The following NLGN1 variants were observed in gnomAD, a reference collection of about 807,000 sequenced individuals.
The protein encoded by NLGN1 is neuroligin-1.
Under a neutral mutation model 65.5 loss-of-function variants are expected in NLGN1, and 12 were observed. That is an observed-to-expected ratio of 0.18 (90% CI 0.12 to 0.30). The LOEUF (loss-of-function observed/expected upper bound fraction) is 0.30. Ranked by LOEUF, NLGN1 falls within the 10% of genes least tolerant of loss-of-function variation. The probability of loss-of-function intolerance (pLI) is 1.00; values close to 1 mark genes in which losing one functional copy is unlikely to be tolerated. For missense variants in NLGN1, 750 were observed against 1,007.1 expected (o/e 0.74, Z 3.46); for synonymous variants, 350 against 359.5 (o/e 0.97, Z 0.30).
chr3:173,627,184 T>C (rs976003828), intron 3 of NLGN1, among the ~76,000 whole-genome samples: 3 of 152,138 alleles, frequency 2.0e-5, no homozygotes, highest in Non-Finnish European at 4.4e-5. Flanking sequence ...GTACAATGTT[T>C]GTATCCTTTG....
chr3:174,205,925 G>A (rs932386292), intron 4 of NLGN1, among the ~76,000 whole-genome samples: 1 of 152,090 alleles, frequency 6.6e-6, no homozygotes, highest in Non-Finnish European at 1.5e-5. Flanking sequence ...TCAATTCAGT[G>A]CCCAGCAACC....
intron 4 of NLGN1, among the ~76,000 whole-genome samples, chr3:174,141,242 A>T (rs1300227063): frequency 6.6e-6 from 1 of 152,158 alleles, no homozygotes; most frequent in Non-Finnish European, 1.5e-5. Flanking sequence ...TCAGGCAGTT[A>T]ACAGGAATAG....
chr3:174,072,280 C>T (rs1740062381), intron 4 of NLGN1, among the ~76,000 whole-genome samples: 1 of 152,056 alleles, frequency 6.6e-6, no homozygotes, highest in Admixed American at 6.6e-5. Flanking sequence ...CAAGAACTCC[C>T]CATCCTAAGG....
At chr3:173,533,358 A>G (rs1354353851) in intron 2 of NLGN1, among the ~76,000 whole-genome samples, 1 of 152,206 alleles carries the variant, frequency 6.6e-6, no homozygotes, top group Non-Finnish European at 1.5e-5. Context: ...GCCCAGTTTA[A>G]CAGAGATTTC....
At chr3:174,147,265 A>G (rs763175566) in intron 4 of NLGN1, among the ~76,000 whole-genome samples, 71 of 152,074 alleles carry the variant, frequency 4.7e-4, no homozygotes, top group Non-Finnish European at 7.8e-4. Context: ...GACCAATGAA[A>G]GTGAGGCTAC....
chr3:174,185,050 TGC>T (rs1731143009), intron 4 of NLGN1, among the ~76,000 whole-genome samples: 3 of 12,124 alleles, frequency 2.5e-4, no homozygotes, highest in Non-Finnish European at 6.6e-4. Flanking sequence ...GAGCTGCAAC[TGC>T]ACAGCCTGCA....
chr3:174,287,514 C>G (rs796568139), downstream of NLGN1, among the ~76,000 whole-genome samples: 7 of 151,464 alleles, frequency 4.6e-5, no homozygotes, highest in African/African-American at 1.7e-4. Flanking sequence ...ATTACTTTTT[C>G]ACTAGTTTTG....
intron 4 of NLGN1, among the ~76,000 whole-genome samples, chr3:173,951,655 G>A (rs1748232659): frequency 1.3e-5 from 2 of 151,782 alleles, no homozygotes; most frequent in Non-Finnish European, 2.9e-5. Flanking sequence ...TAGAGATGGA[G>A]TTTCACCATG....
chr3:173,986,923 G>A (rs776047384), intron 4 of NLGN1, among the ~76,000 whole-genome samples: 1 of 152,150 alleles, frequency 6.6e-6, no homozygotes, highest in Non-Finnish European at 1.5e-5. Flanking sequence ...ATTTCTTAAT[G>A]ACATTTTGGT....
chr3:174,005,970 G>A (rs995442918), intron 4 of NLGN1, among the ~76,000 whole-genome samples: 1 of 151,950 alleles, frequency 6.6e-6, no homozygotes, highest in African/African-American at 2.4e-5. Flanking sequence ...CCTTGTTTAT[G>A]TACTGTACTT....
At chr3:173,559,445 A>T (rs1742289976) in intron 2 of NLGN1, among the ~76,000 whole-genome samples, 1 of 152,132 alleles carries the variant, frequency 6.6e-6, no homozygotes, top group Admixed American at 6.5e-5. Flanking sequence ...AAGATGCTAT[A>T]CTCATGGCTC....
At chr3:173,821,249 T>G (rs539286173) in intron 4 of NLGN1, among the ~76,000 whole-genome samples, 4 of 152,180 alleles carry the variant, frequency 2.6e-5, no homozygotes, top group Non-Finnish European at 5.9e-5. Flanking sequence ...GCTAGCTTCT[T>G]GCATCTGAGC....
intron 4 of NLGN1, among the ~76,000 whole-genome samples, chr3:174,092,636 G>GTTA (rs139793130): frequency 6.6e-5 from 10 of 151,312 alleles, no homozygotes; most frequent in Admixed American, 1.3e-4. Context: ...TATGATGATG[G>GTTA]TTATTATTAT....
At chr3:174,123,842 A>G (rs1314769588) in intron 4 of NLGN1, among the ~76,000 whole-genome samples, 1 of 152,092 alleles carries the variant, frequency 6.6e-6, no homozygotes, top group Non-Finnish European at 1.5e-5. Flanking sequence ...AATATATCCT[A>G]TGTACTTCAA....
At chr3:173,820,195 A>C (rs1292996774) in intron 4 of NLGN1, among the ~76,000 whole-genome samples, 5 of 152,148 alleles carry the variant, frequency 3.3e-5, no homozygotes, top group African/African-American at 9.6e-5. Flanking sequence ...AAAAAAAAAA[A>C]AAAAAAAACG....
chr3:173,450,855 G>A (rs902109774), intron 2 of NLGN1, among the ~76,000 whole-genome samples: 28 of 152,112 alleles, frequency 1.8e-4, no homozygotes, highest in South Asian at 6.2e-4. Flanking sequence ...TGATCGCGTC[G>A]GTTACTGAGG....
chr3:174,165,161 G>T (rs1395738578), intron 4 of NLGN1, among the ~76,000 whole-genome samples: 1 of 151,720 alleles, frequency 6.6e-6, no homozygotes, highest in African/African-American at 2.4e-5. Context: ...ACTTATTTTT[G>T]ACTTTTTCTT....
intron 2 of NLGN1, among the ~76,000 whole-genome samples, chr3:173,580,018 T>C (rs1746144699): frequency 6.6e-6 from 1 of 152,174 alleles, no homozygotes; most frequent in East Asian, 1.9e-4. Flanking sequence ...TTCTTCTTTT[T>C]CAGACACTGA....
chr3:174,261,258 CTG>C (rs1746845190), intron 4 of NLGN1, among the ~76,000 whole-genome samples: 1 of 150,682 alleles, frequency 6.6e-6, no homozygotes, highest in Non-Finnish European at 1.5e-5. Flanking sequence ...GGCATTGAAT[CTG>C]TAAATTACCT....
Sources: gnomAD v4.1 joint callset for allele counts (sites outside exome capture counted in the v4.1 genomes callset) on GRCh38, gnomAD v4.1.1 for gene constraint, MANE v1.5 for transcripts, NCBI Gene and HGNC (gene_info 2026-07-23, HGNC 2026-07-21) for gene names.